The following TSR1 variants were observed in gnomAD, a reference collection of about 807,000 sequenced individuals.
TSR1 encodes TSR1 ribosome maturation factor.
TSR1 carries 81 observed loss-of-function variants against 90.9 expected under a neutral mutation model. That is an observed-to-expected ratio of 0.89 (90% CI 0.74 to 1.07). The LOEUF is 1.07. TSR1 is among the 50% of genes least tolerant of loss of function. The pLI is 0.00. For missense variants in TSR1, 989 were observed against 987.3 expected (o/e 1.00, Z -0.02); for synonymous variants, 362 against 348.8 (o/e 1.04, Z -0.42).
chr17:2,323,553 T>C lies in TSR1; in HGVS notation c.*643A>G. On this transcript the variant is annotated 3_prime_UTR_variant, in exon 15 of 15. Coordinates refer to ENST00000301364, the MANE Select transcript of TSR1 (RefSeq NM_018128.5). The stretch of plus-strand genomic sequence containing the variant: ...AGCTTTGGGAAGCGTGTGTACACAG[T>C]GATAAGAAAATTCAAACTGGACACG... 1.5e-6 allele frequency: 2 copies of C among 1,312,306 alleles called. No homozygotes were observed. The highest frequency in any genetic ancestry group is 2.6e-5 in the South Asian group (2 of 77,696). 81.3% of individuals were successfully genotyped at this position (1,312,306 alleles called of 1,614,324 possible). A position where few individuals can be genotyped will look rare whatever the true frequency, so the allele number is the denominator to read the frequency against.
Position 2,336,332 on chromosome 17 carries a change from C to T in TSR1, c.96G>A (p.Lys32=), listed in dbSNP as rs1327172204. The change falls in exon 1 of 15, where the codon AAG becomes AAA. Residue 32 remains lysine, a splice_region_variant and synonymous_variant. Transcript: ENST00000301364. ...RGRGSAQRDG[K]GRLALKTLSK... ...ATTCCTTCTACGTTATCTCCTTACC[C>T]TTGCCGTCCCGCTGTGCAGATCCCC... 1 of 1,614,180 alleles carries T rather than the reference C, an allele frequency of 6.2e-7. No individual in the cohort carries two copies. Among genetic ancestry groups the T allele is most frequent in the Non-Finnish European group, 8.5e-7 (1 of 1,180,044 alleles).
In TSR1 at chr17:2,322,851, C is replaced by G. The variant is rs1029065849; in HGVS notation, c.*1345G>C. Reference sequence around the variant, plus strand: ...GTGATCTCAGCTCACTGCAACCTACCCCTCCCAAGTTCAAGTGATTCTCCT... The same window carrying G: ...GTGATCTCAGCTCACTGCAACCTACGCCTCCCAAGTTCAAGTGATTCTCCT... On this transcript the variant is annotated 3_prime_UTR_variant, in exon 15 of 15. Transcript: ENST00000301364. 1.3e-4 allele frequency: 50 copies of G among 384,566 alleles called. No individual in the cohort carries two copies. The highest frequency in any genetic ancestry group is 1.0e-3 in the African/African-American group (49 of 48,132). 23.8% of individuals were successfully genotyped at this position (384,566 alleles called of 1,614,324 possible).
chr17:2,334,823 T>G lies in TSR1; in HGVS notation c.630A>C (p.Ala210=). The G allele has an allele frequency of 6.2e-7, 1 of 1,614,214 alleles. No individual in the cohort carries two copies. The highest frequency in any genetic ancestry group is 1.1e-5 in the South Asian group (1 of 91,092). The stretch of plus-strand genomic sequence containing the variant: ...TGTCATGCGGAAAGCGCTTCTCCAC[T>G]GCTTTACTTAGCTTCTTCCTGGTAT... ...QIDTRKKLSK[A]VEKRFPHDKL... is the part of the protein sequence containing the mutation. The change falls in exon 5 of 15, where the codon GCA becomes GCC. Residue 210 remains alanine (A), a synonymous_variant. Coordinates refer to ENST00000301364, the MANE Select transcript of TSR1 (RefSeq NM_018128.5).
At position 2,334,465 on chromosome 17, in the gene TSR1, G is replaced by A. The variant is rs1345291734; in HGVS notation, c.981+7C>T. ...ATATGAACATGAATTAAGAATATCAGTCTTACCTCCATTGCCATGTCTGGG... is the reference window on the plus strand; with the variant it reads ...ATATGAACATGAATTAAGAATATCAATCTTACCTCCATTGCCATGTCTGGG... On this transcript the variant is annotated splice_region_variant and intron_variant, in intron 5 of 14. Coordinates refer to ENST00000301364, the MANE Select transcript of TSR1 (RefSeq NM_018128.5). 1 of 1,610,234 alleles carries A rather than the reference G, an allele frequency of 6.2e-7. No individual in the cohort carries two copies. Among genetic ancestry groups the A allele is most frequent in the Non-Finnish European group, 8.5e-7 (1 of 1,177,588 alleles).
rs1453268896 is a variant in TSR1, at chr17:2,334,464, A to T, written c.981+8T>A. On this transcript the variant is annotated splice_region_variant and intron_variant, in intron 5 of 14. Transcript: ENST00000301364. ...CATATGAACATGAATTAAGAATATC[A>T]GTCTTACCTCCATTGCCATGTCTGG... 1 of 1,603,952 alleles carries T rather than the reference A, an allele frequency of 6.2e-7. No homozygotes were observed.
In TSR1 at chr17:2,324,331, T is replaced by C; in HGVS notation, c.2280A>G (p.Lys760=). ...HMKCSFDGKL[K]SQDTVLMNLY... is the part of the protein sequence containing the mutation. ...GGTTCATCAGTACTGTGTCTTGAGA[T>C]TTTAGCTTCCCATCAAAGCTGCATT... Residue 760 remains lysine (K), a synonymous_variant, in exon 15 of 15, where the codon AAA becomes AAG. Transcript: ENST00000301364. 1 of 1,564,604 alleles carries C rather than the reference T, an allele frequency of 6.4e-7. No individual in the cohort carries two copies. Among genetic ancestry groups the C allele is most frequent in the South Asian group, 1.2e-5 (1 of 81,486 alleles).
chr17:2,331,032 GC>G lies in TSR1; in HGVS notation c.1573del (p.Ala525LeufsTer55). Reference protein sequence around the residue: ...DPKENLPQDYARIFQFQNFTN... With the variant: ...DPKENLPQDYXRIFQFQNFTN... Reference sequence around the variant, plus strand: ...AAAGTTCTGAAACTGAAATATTCGAGCATAATCTTGAGGAAGGTTTTCCTTA... The same window carrying G: ...AAAGTTCTGAAACTGAAATATTCGAGATAATCTTGAGGAAGGTTTTCCTTA... On this transcript the variant is annotated frameshift_variant, in exon 9 of 15. Transcript: ENST00000301364. LOFTEE classifies it high-confidence loss of function. The G allele has an allele frequency of 6.2e-7, 1 of 1,612,560 alleles. No individual in the cohort carries two copies. Among genetic ancestry groups the G allele is most frequent in the Non-Finnish European group, 8.5e-7 (1 of 1,179,626 alleles).
In TSR1 at chr17:2,322,520, A is replaced by G. The variant is rs2075538620; in HGVS notation, c.*1676T>C. 6.6e-6 allele frequency: 1 copy of G among 151,124 alleles called. No homozygotes were observed. The highest frequency in any genetic ancestry group is 1.5e-5 in the Non-Finnish European group (1 of 67,884). The allele number at this position is 151,124 out of a possible 1,614,324, so 9.4% of individuals were successfully genotyped here. On this transcript the variant is annotated 3_prime_UTR_variant, in exon 15 of 15. Transcript: ENST00000301364. ...TGTGCCTATTTTCTTTTTTTTTTTG[A>G]GACGGAGTCTCACTCTGTCACCCAG...
In TSR1 at chr17:2,327,077, C is replaced by A. The variant is rs189431945; in HGVS notation, c.1904-1657G>T. Among the ~76,000 whole-genome samples the A allele has an allele frequency of 5.3e-5, 8 of 151,748 alleles. No individual in the cohort carries two copies. The East Asian group carries it at 1.6e-3, about 29-fold the overall frequency. ...CCAAGATCCTGCCACTGCACTCCAGCCTGGGCAACAAGAGTGAAACTCCAT... is the reference window on the plus strand; with the variant it reads ...CCAAGATCCTGCCACTGCACTCCAGACTGGGCAACAAGAGTGAAACTCCAT... On this transcript the variant is annotated intron_variant, in intron 11 of 14. Transcript: ENST00000301364.
chr17:2,331,158 CTA>C (rs768103145), intron 8 of TSR1, 49 bp from the exon 9 acceptor site: 2 of 1,438,606 alleles, frequency 1.4e-6, no homozygotes, highest in Admixed American at 5.1e-5. Context: ...TTATATGGTG[CTA>C]TATAGACTCA....
rs1162018562 is a variant in TSR1, at chr17:2,330,542, T to C, written c.1743A>G (p.Ala581=). The C allele has an allele frequency of 6.2e-7, 1 of 1,613,690 alleles. No homozygotes were observed. The highest frequency in any genetic ancestry group is 8.5e-7 in the Non-Finnish European group (1 of 1,179,932). ...TCTGTTCATGAGGTAGTAAAGAAAA[T>C]GCAATCAAGGGTGTTCCTTGCCTGA... ...ECFRQGTPLI[A]FSLLPHEQKM... The change falls in exon 10 of 15, where the codon GCA becomes GCG. Residue 581 remains alanine (A), a synonymous_variant. Transcript: ENST00000301364.
Position 2,336,456 on chromosome 17 carries a change from C to G in TSR1, c.-29G>C. On this transcript the variant is annotated 5_prime_UTR_variant, in exon 1 of 15. Coordinates refer to ENST00000301364, the MANE Select transcript of TSR1 (RefSeq NM_018128.5). Reference sequence around the variant, plus strand: ...GCAGCGCGCGTGTACGGAGTCAGCACTGCTTCCGGGCCAGGACAAGCGCTT... The same window carrying G: ...GCAGCGCGCGTGTACGGAGTCAGCAGTGCTTCCGGGCCAGGACAAGCGCTT... 6.2e-7 allele frequency: 1 copy of G among 1,602,644 alleles called. No individual in the cohort carries two copies. The highest frequency in any genetic ancestry group is 8.5e-7 in the Non-Finnish European group (1 of 1,177,864).
chr17:2,323,483 T>A lies in TSR1; in HGVS notation c.*713A>T. 8.6e-7 allele frequency: 1 copy of A among 1,165,614 alleles called. No individual in the cohort carries two copies. The highest frequency in any genetic ancestry group is 1.2e-6 in the Non-Finnish European group (1 of 816,834). 72.2% of individuals were successfully genotyped at this position (1,165,614 alleles called of 1,614,324 possible). A position where few individuals can be genotyped will look rare whatever the true frequency, so the allele number is the denominator to read the frequency against. On this transcript the variant is annotated 3_prime_UTR_variant, in exon 15 of 15. Transcript: ENST00000301364. ...GACATGGGAGGGTACCCTAGATGTA[T>A]TAATGACAACCCTCTTGACAGAAGC...
At position 2,325,426 on chromosome 17, in the gene TSR1, A is replaced by G. The variant is rs538035027; in HGVS notation, c.1904-6T>C. The G allele has an allele frequency of 1.0e-5, 16 of 1,604,264 alleles. No homozygotes were observed. Among genetic ancestry groups the G allele is most frequent in the Non-Finnish European group, 1.3e-5 (15 of 1,176,432 alleles). On this transcript the variant is annotated splice_region_variant and splice_polypyrimidine_tract_variant and intron_variant, in intron 11 of 14. Transcript: ENST00000301364. ...CTGCAATTTATGTTTGTCCGCTGCC[A>G]TAAGGGTTAAAAAATGAAAAGCAAA...
Position 2,324,160 on chromosome 17 carries a change from G to T in TSR1, c.*36C>A. 1.3e-6 allele frequency: 2 copies of T among 1,511,532 alleles called. No homozygotes were observed. Among genetic ancestry groups the T allele is most frequent in the South Asian group, 2.8e-5 (2 of 71,574 alleles). 93.6% of individuals were successfully genotyped at this position (1,511,532 alleles called of 1,614,324 possible). On this transcript the variant is annotated 3_prime_UTR_variant, in exon 15 of 15. Transcript: ENST00000301364. Reference sequence around the variant, plus strand: ...TTGTGCCTCCCATCCCTGGAGTACTGACTGGCACCGGTAAGACAGAATCTC... The same window carrying T: ...TTGTGCCTCCCATCCCTGGAGTACTTACTGGCACCGGTAAGACAGAATCTC...
chr17:2,326,850 A>T (rs868552544), intron 11 of TSR1, among the ~76,000 whole-genome samples: 33 of 152,322 alleles, frequency 2.2e-4, no homozygotes, highest in Admixed American at 6.5e-5. Flanking sequence ...CATGCCTGTA[A>T]TCCCAGCACT....
At position 2,336,317 on chromosome 17, in the gene TSR1, C is replaced by T. The variant is rs372160565; in HGVS notation, c.97+14G>A. The T allele has an allele frequency of 2.4e-4, 384 of 1,614,078 alleles. No individual in the cohort carries two copies. The highest frequency in any genetic ancestry group is 2.8e-4 in the Non-Finnish European group (331 of 1,180,016). On this transcript the variant is annotated intron_variant, in intron 1 of 14. Transcript: ENST00000301364. ...GGCCAAATAGCCCTTATTCCTTCTA[C>T]GTTATCTCCTTACCCTTGCCGTCCC...
In TSR1 at chr17:2,323,105, T is replaced by C. The variant is rs201269732; in HGVS notation, c.*1091A>G. 5 of 1,608,852 alleles carry C rather than the reference T, an allele frequency of 3.1e-6. No individual in the cohort carries two copies. The East Asian group carries it at 1.1e-4, about 36-fold the overall frequency. On this transcript the variant is annotated 3_prime_UTR_variant, in exon 15 of 15. Coordinates refer to ENST00000301364, the MANE Select transcript of TSR1 (RefSeq NM_018128.5). ...ACATGCAGGCAATGTTGTGGTTTGTTGTTAAGATGTCTTAATATTCCTCTT... is the reference window on the plus strand; with the variant it reads ...ACATGCAGGCAATGTTGTGGTTTGTCGTTAAGATGTCTTAATATTCCTCTT...
Position 2,323,930 on chromosome 17 carries a change from T to C in TSR1, c.*266A>G. The C allele has an allele frequency of 4.1e-6, 6 of 1,466,698 alleles. No individual in the cohort carries two copies. The highest frequency in any genetic ancestry group is 5.7e-6 in the Non-Finnish European group (6 of 1,058,430). 90.9% of individuals were successfully genotyped at this position (1,466,698 alleles called of 1,614,324 possible). ...GTCTTTAGATACTGAAGACATTTTG[T>C]TTCCTAGTATTGTCAACTCTTAGTT... On this transcript the variant is annotated 3_prime_UTR_variant, in exon 15 of 15. Transcript: ENST00000301364.
Sources: allele counts gnomAD v4.1 joint callset (sites outside exome capture counted in the v4.1 genomes callset), GRCh38; gene constraint gnomAD v4.1.1; transcripts MANE v1.5; gene names NCBI Gene and HGNC (gene_info 2026-07-23, HGNC 2026-07-21).